LHFPL1: variants seen among roughly 807,000 people sequenced by gnomAD.
The protein encoded by LHFPL1 is LHFPL tetraspan subfamily member 1.
A neutral mutation model predicts 12.1 loss-of-function variants in LHFPL1; 4 were observed. The observed-to-expected ratio is 0.33, with a 90% confidence interval of 0.16 to 0.76. The LOEUF (loss-of-function observed/expected upper bound fraction) is 0.76. Ranked by LOEUF, LHFPL1 falls within the 30% of genes least tolerant of loss-of-function variation. The pLI is 0.61. For missense variants in LHFPL1, 141 were observed against 174.1 expected (o/e 0.81, Z 1.07); for synonymous variants, 52 against 61.9 (o/e 0.84, Z 0.75).
chrX:112,649,240 T>C (rs1930784336), intron 3 of LHFPL1, among the ~76,000 whole-genome samples: 1 of 112,466 alleles, frequency 8.9e-6, no homozygotes, highest in Non-Finnish European at 1.9e-5. Context: ...ATTTTTCATT[T>C]GCTTTATATT....
Sources: gnomAD v4.1 joint callset for allele counts (sites outside exome capture counted in the v4.1 genomes callset) on GRCh38, gnomAD v4.1.1 for gene constraint, MANE v1.5 for transcripts, NCBI Gene and HGNC (gene_info 2026-07-23, HGNC 2026-07-21) for gene names.